SMAD2: variants seen among roughly 807,000 people sequenced by gnomAD.
The protein encoded by SMAD2 is MAD homolog 2.
A neutral mutation model predicts 64.4 loss-of-function variants in SMAD2; 8 were observed. The observed-to-expected ratio is 0.12, with a 90% CI of 0.07 to 0.22. SMAD2 has a LOEUF of 0.22. Among genes scored for constraint, SMAD2 ranks in the 10% least tolerant of loss-of-function variants. SMAD2 has a pLI of 1.00. For synonymous variants in SMAD2, 203 were observed against 195.8 expected, an observed-to-expected ratio of 1.04 and a Z score of -0.31; for missense variants, 289 against 561.2, an observed-to-expected ratio of 0.51 and a Z score of 4.90.
intron 7 of SMAD2, among the ~76,000 whole-genome samples, chr18:47,848,892 G>C (rs1210921706): frequency 3.3e-5 from 5 of 152,070 alleles, no homozygotes; most frequent in Non-Finnish European, 7.4e-5. Context: ...CAGTTTCATA[G>C]ATCATACCAG....
In SMAD2 at chr18:47,838,416, G is replaced by T. The variant is rs998183268; in HGVS notation, c.*3411C>A. The T allele has an allele frequency of 8.1e-5, 19 of 233,138 alleles. No individual in the cohort carries two copies. The highest frequency in any genetic ancestry group is 4.0e-4 in the African/African-American group (18 of 45,300). The allele number at this position is 233,138 out of a possible 1,614,324, so 14.4% of individuals were successfully genotyped here. A position where few individuals can be genotyped will look rare whatever the true frequency, so the allele number is the denominator to read the frequency against. ...TCTACAAGACCAAGCACAGCTCAAGGGTCAGGGCCCCGTCCTAGTCATCTT... is the reference window on the plus strand; with the variant it reads ...TCTACAAGACCAAGCACAGCTCAAGTGTCAGGGCCCCGTCCTAGTCATCTT... On this transcript the variant is annotated 3_prime_UTR_variant, in exon 11 of 11. Coordinates refer to ENST00000262160, the MANE Select transcript of SMAD2 (RefSeq NM_005901.6).
In SMAD2 at chr18:47,840,000, G is replaced by A; in HGVS notation, c.*1827C>T. On this transcript the variant is annotated 3_prime_UTR_variant, in exon 11 of 11. Transcript: ENST00000262160. ...TTAGTGTAACTGCTGTCTCAGCAAAGGCAGGAACTGTAGTTGTCTTGTTCA... is the reference window on the plus strand; with the variant it reads ...TTAGTGTAACTGCTGTCTCAGCAAAAGCAGGAACTGTAGTTGTCTTGTTCA... 4.3e-6 allele frequency: 1 copy of A among 233,168 alleles called. No individual in the cohort carries two copies. Among genetic ancestry groups the A allele is most frequent in the East Asian group, 6.1e-5 (1 of 16,528 alleles). The allele number at this position is 233,168 out of a possible 1,614,324, so 14.4% of individuals were successfully genotyped here.
rs571111674 is a variant in SMAD2, at chr18:47,840,028, T to C, written c.*1799A>G. ...AGGAACTGTAGTTGTCTTGTTCACC[T>C]TTACCCAAAGACTAAGAAAAGTTCC... On this transcript the variant is annotated 3_prime_UTR_variant, in exon 11 of 11. Coordinates refer to ENST00000262160, the MANE Select transcript of SMAD2 (RefSeq NM_005901.6). 3.0e-5 allele frequency: 7 copies of C among 233,164 alleles called. No homozygotes were observed. Among genetic ancestry groups the C allele is most frequent in the Non-Finnish European group, 5.9e-5 (7 of 118,008 alleles). The allele number at this position is 233,164 out of a possible 1,614,324, so 14.4% of individuals were successfully genotyped here. A position where few individuals can be genotyped will look rare whatever the true frequency, so the allele number is the denominator to read the frequency against.
chr18:47,911,838 A>G (rs2034148601), intron 1 of SMAD2, among the ~76,000 whole-genome samples: 1 of 152,234 alleles, frequency 6.6e-6, no homozygotes, highest in South Asian at 2.1e-4. Context: ...CAAATACACA[A>G]AACTCCATCA....
In SMAD2 at chr18:47,828,713, T is replaced by TAC. The variant is rs1406778761; in HGVS notation, c.*13113_*13114insGT. The TAC allele has an allele frequency of 6.0e-6, 1 of 167,372 alleles. No individual in the cohort carries two copies. Among genetic ancestry groups the TAC allele is most frequent in the Non-Finnish European group, 1.2e-5 (1 of 80,112 alleles). The allele number at this position is 167,372 out of a possible 1,614,324, so 10.4% of individuals were successfully genotyped here. A position where few individuals can be genotyped will look rare whatever the true frequency, so the allele number is the denominator to read the frequency against. On this transcript the variant is annotated 3_prime_UTR_variant, in exon 11 of 11. Transcript: ENST00000262160. Reference sequence around the variant, plus strand: ...AAGGGCGGTGCAAGATGTGCTTTGTTAAACAGATGCTTGAAGGCAGCATGC... The same window carrying TAC: ...AAGGGCGGTGCAAGATGTGCTTTGTTACAAACAGATGCTTGAAGGCAGCATGC...
Position 47,870,506 on chromosome 18 carries a change from T to C in SMAD2, c.295A>G (p.Thr99Ala). 1 of 1,613,610 alleles carries C rather than the reference T, an allele frequency of 6.2e-7. No individual in the cohort carries two copies. The highest frequency in any genetic ancestry group is 1.7e-5 in the Admixed American group (1 of 60,010). ...TPNTIDQWDT[T>A]GLYSFSEQTR... ...TGTTCAGAGAAGCTGTAAAGGCCTG[T>C]TGTATCCCACTGATCTATCGTATTT... Residue 99 changes from threonine (T) to alanine (A), a missense_variant, in exon 3 of 11, where the codon ACA becomes GCA. Physicochemically the swap from Thr to Ala is moderately conservative, Grantham distance 58. Transcript: ENST00000262160.
In SMAD2 at chr18:47,825,070, A is replaced by G. The variant is rs1912699782; in HGVS notation, c.*16757T>C. 1 of 152,212 alleles carries G rather than the reference A, an allele frequency of 6.6e-6. No individual in the cohort carries two copies. The highest frequency in any genetic ancestry group is 1.5e-5 in the Non-Finnish European group (1 of 68,044). The allele number at this position is 152,212 out of a possible 1,614,324, so 9.4% of individuals were successfully genotyped here. A position where few individuals can be genotyped will look rare whatever the true frequency, so the allele number is the denominator to read the frequency against. ...TTAAAGTCCCATCCACTGGGCTGCC[A>G]GTAAAAGACCACAAAATATTTTTGT... On this transcript the variant is annotated 3_prime_UTR_variant, in exon 11 of 11. Coordinates refer to ENST00000262160, the MANE Select transcript of SMAD2 (RefSeq NM_005901.6).
At position 47,836,778 on chromosome 18, in the gene SMAD2, A is replaced by C. The variant is rs573843704; in HGVS notation, c.*5049T>G. The C allele has an allele frequency of 1.7e-4, 38 of 220,102 alleles. No individual in the cohort carries two copies. The highest frequency in any genetic ancestry group is 3.0e-4 in the Non-Finnish European group (33 of 109,994). The allele number at this position is 220,102 out of a possible 1,614,324, so 13.6% of individuals were successfully genotyped here. A position where few individuals can be genotyped will look rare whatever the true frequency, so the allele number is the denominator to read the frequency against. On this transcript the variant is annotated 3_prime_UTR_variant, in exon 11 of 11. Coordinates refer to ENST00000262160, the MANE Select transcript of SMAD2 (RefSeq NM_005901.6). Reference sequence around the variant, plus strand: ...TTATCGTAAATGCTATCATGAGGCTATCTAGTATAGCTCATATTTCCTGGT... The same window carrying C: ...TTATCGTAAATGCTATCATGAGGCTCTCTAGTATAGCTCATATTTCCTGGT...
intron 7 of SMAD2, among the ~76,000 whole-genome samples, chr18:47,849,892 C>A: frequency 6.6e-6 from 1 of 151,516 alleles, no homozygotes; most frequent in Non-Finnish European, 1.5e-5. Flanking sequence ...CCTGTAGTCC[C>A]AGCTACTCAG....
chr18:47,828,884 C>T lies in SMAD2; in HGVS notation c.*12943G>A, dbSNP rs1912881362. ...CCTTCCCTCCACTATTGTCCTATGACCCTGCCACATCCCCCTCTCCGAGAA... is the reference window on the plus strand; with the variant it reads ...CCTTCCCTCCACTATTGTCCTATGATCCTGCCACATCCCCCTCTCCGAGAA... On this transcript the variant is annotated 3_prime_UTR_variant, in exon 11 of 11. Coordinates refer to ENST00000262160, the MANE Select transcript of SMAD2 (RefSeq NM_005901.6). 6.8e-6 allele frequency: 1 copy of T among 146,444 alleles called. No homozygotes were observed. The highest frequency in any genetic ancestry group is 1.5e-5 in the Non-Finnish European group (1 of 68,314). 9.1% of individuals were successfully genotyped at this position (146,444 alleles called of 1,614,324 possible). A position where few individuals can be genotyped will look rare whatever the true frequency, so the allele number is the denominator to read the frequency against.
At position 47,831,895 on chromosome 18, in the gene SMAD2, C is replaced by T. The variant is rs978659136; in HGVS notation, c.*9932G>A. On this transcript the variant is annotated 3_prime_UTR_variant, in exon 11 of 11. Transcript: ENST00000262160. ...GTTTTTCTATTCCTTTATTTGTAAACTTATAATTTTTAGGTTGGGCTTACT... is the reference window on the plus strand; with the variant it reads ...GTTTTTCTATTCCTTTATTTGTAAATTTATAATTTTTAGGTTGGGCTTACT... 2.8e-5 allele frequency: 4 copies of T among 141,348 alleles called. No homozygotes were observed. Among genetic ancestry groups the T allele is most frequent in the African/African-American group, 8.0e-5 (3 of 37,690 alleles). 8.8% of individuals were successfully genotyped at this position (141,348 alleles called of 1,614,324 possible).
At position 47,860,812 on chromosome 18, in the gene SMAD2, T is replaced by C. The variant is rs184313229; in HGVS notation, c.730+4247A>G. On this transcript the variant is annotated intron_variant, in intron 6 of 10. Coordinates refer to ENST00000262160, the MANE Select transcript of SMAD2 (RefSeq NM_005901.6). Reference sequence around the variant, plus strand: ...CTCTTTATAAACGCAGAAAAAAAATTTGACAAAATTCAACAGCCATTTATA... The same window carrying C: ...CTCTTTATAAACGCAGAAAAAAAATCTGACAAAATTCAACAGCCATTTATA... Among the ~76,000 whole-genome samples, 30 of 152,154 alleles carry C rather than the reference T, an allele frequency of 2.0e-4. No homozygotes were observed. In the Middle Eastern group the frequency reaches 0.014, roughly 69 times the overall value.
rs184768775 is a variant in SMAD2, at chr18:47,897,271, G to A, written c.-53-462C>T. ...AGGCAAAATCTACAGTTACAAGAAGGGAAAATGCGTAAAGTGTGAAGTAAT... is the reference window on the plus strand; with the variant it reads ...AGGCAAAATCTACAGTTACAAGAAGAGAAAATGCGTAAAGTGTGAAGTAAT... On this transcript the variant is annotated intron_variant, in intron 1 of 10. Coordinates refer to ENST00000262160, the MANE Select transcript of SMAD2 (RefSeq NM_005901.6). Among the ~76,000 whole-genome samples, 12 of 152,274 alleles carry A rather than the reference G, an allele frequency of 7.9e-5. No homozygotes were observed. The East Asian group carries it at 2.3e-3, about 29-fold the overall frequency.
chr18:47,877,449 G>A (rs1243240715), intron 2 of SMAD2, among the ~76,000 whole-genome samples: 7 of 152,062 alleles, frequency 4.6e-5, no homozygotes, highest in Non-Finnish European at 1.0e-4. Context: ...GCTCAGGAAT[G>A]AAGAGTTAAT....
chr18:47,834,017 C>A lies in SMAD2; in HGVS notation c.*7810G>T. 4.5e-6 allele frequency: 1 copy of A among 221,982 alleles called. No homozygotes were observed. Among genetic ancestry groups the A allele is most frequent in the Non-Finnish European group, 9.0e-6 (1 of 111,234 alleles). 13.8% of individuals were successfully genotyped at this position (221,982 alleles called of 1,614,324 possible). ...AACATCAGTTACCTTAGCTGGATCACTAAGTGTGAGTCTCACCACCATACT... is the reference window on the plus strand; with the variant it reads ...AACATCAGTTACCTTAGCTGGATCAATAAGTGTGAGTCTCACCACCATACT... On this transcript the variant is annotated 3_prime_UTR_variant, in exon 11 of 11. Transcript: ENST00000262160.
chr18:47,902,773 C>T (rs1296426004), intron 1 of SMAD2, among the ~76,000 whole-genome samples: 4 of 152,034 alleles, frequency 2.6e-5, no homozygotes, highest in Non-Finnish European at 4.4e-5. Flanking sequence ...TACAAAGCAG[C>T]CTAAGAAGAA....
intron 1 of SMAD2, among the ~76,000 whole-genome samples, chr18:47,898,947 T>C (rs977270779): frequency 6.6e-6 from 1 of 152,090 alleles, no homozygotes; most frequent in African/African-American, 2.4e-5. Context: ...AAATCCAGTC[T>C]GTGTTATTCA....
intron 6 of SMAD2, among the ~76,000 whole-genome samples, chr18:47,860,847 T>C (rs1051960964): frequency 6.6e-6 from 1 of 151,980 alleles, no homozygotes; most frequent in African/African-American, 2.4e-5. Context: ...AAAACACAAT[T>C]AGAACATTAA....
chr18:47,892,165 T>A (rs1006178037), intron 2 of SMAD2, among the ~76,000 whole-genome samples: 1 of 151,936 alleles, frequency 6.6e-6, no homozygotes, highest in African/African-American at 2.4e-5. Flanking sequence ...TGTAGTTGAG[T>A]CATCCTTGAA....
Sources: allele counts gnomAD v4.1 joint callset (sites outside exome capture counted in the v4.1 genomes callset), GRCh38; gene constraint gnomAD v4.1.1; transcripts MANE v1.5; gene names NCBI Gene and HGNC (gene_info 2026-07-23, HGNC 2026-07-21).